The following ITSN2 variants were observed in gnomAD, a reference collection of about 807,000 sequenced individuals.
The protein encoded by ITSN2 is intersectin-2.
In ITSN2, 156 loss-of-function variants were observed where a neutral mutation model predicts 243.7. That is an observed-to-expected ratio of 0.64 (90% confidence interval 0.56 to 0.73). The LOEUF (loss-of-function observed/expected upper bound fraction) is 0.73. Ranked by LOEUF, ITSN2 falls within the 30% of genes least tolerant of loss-of-function variation. The pLI is 0.00. For missense variants in ITSN2, 1,801 were observed against 1,996.1 expected (o/e 0.90, Z 1.86); for synonymous variants, 703 against 699.9 (o/e 1.00, Z -0.07).
chr2:24,222,970 C>G (rs766959378), intron 29 of ITSN2, among the ~76,000 whole-genome samples: 2 of 152,128 alleles, frequency 1.3e-5, no homozygotes, highest in African/African-American at 2.4e-5. Flanking sequence ...GCCCCATGCC[C>G]GGTGCAATAA....
In ITSN2 at chr2:24,205,247, C is replaced by T; in HGVS notation, c.4729G>A (p.Glu1577Lys). The T allele has an allele frequency of 3.7e-6, 6 of 1,614,042 alleles. No individual in the cohort carries two copies. The highest frequency in any genetic ancestry group is 5.1e-6 in the Non-Finnish European group (6 of 1,179,934). ...TTGCAGGCTTTTAATTCTGTAGCTT[C>T]AATGACATGCACCATCAGGCGCCCA... ...GIGRLMVHVI[E>K]ATELKACKPN... The change falls in exon 38 of 40, where the codon GAA becomes AAA. Residue 1577 changes from glutamate to lysine, a missense_variant. Around this residue, in one of 5 missense-constraint regions of ITSN2, gnomAD observed 928 missense variants for 1,065.4 expected, o/e 0.87. Coordinates refer to ENST00000355123, the MANE Select transcript of ITSN2 (RefSeq NM_006277.3).
intron 11 of ITSN2, among the ~76,000 whole-genome samples, chr2:24,300,653 A>G (rs1357732473): frequency 2.6e-5 from 4 of 152,120 alleles, no homozygotes; most frequent in Non-Finnish European, 5.9e-5. Flanking sequence ...CAGGAGGCGG[A>G]AGTTGCAGTG....
intron 38 of ITSN2, 63 bp downstream of exon 38, chr2:24,205,151 A>T: frequency 7.2e-7 from 1 of 1,394,458 alleles, no homozygotes; most frequent in Non-Finnish European, 1.0e-6. Flanking sequence ...TGTCTCAAAA[A>T]GTCATCAGCA....
At position 24,312,823 on chromosome 2, in the gene ITSN2, T is replaced by G. The variant is rs574552033; in HGVS notation, c.189-448A>C. Among the ~76,000 whole-genome samples the G allele has an allele frequency of 4.6e-5, 7 of 152,214 alleles. No homozygotes were observed. In the South Asian group the frequency reaches 1.5e-3, roughly 32 times the overall value. On this transcript the variant is annotated intron_variant, in intron 4 of 39. Transcript: ENST00000355123. ...TTAAAAAAACAGATATTATAGAGAA[T>G]AGTTTCTTTAAAGAAGGAGCAGGGG...
At chr2:24,216,994 G>A (rs2151129190) in intron 31 of ITSN2, among the ~76,000 whole-genome samples, 1 of 152,052 alleles carries the variant, frequency 6.6e-6, no homozygotes, top group South Asian at 2.1e-4. Context: ...TGAGGCAGGA[G>A]AATGGCGTGA....
intron 30 of ITSN2, 86 bp from the exon 31 acceptor site, chr2:24,218,099 A>T: frequency 1.2e-6 from 1 of 807,898 alleles, no homozygotes; most frequent in East Asian, 2.5e-5. Context: ...GTCTTCATAA[A>T]CTGAAACTAA....
intron 2 of ITSN2, among the ~76,000 whole-genome samples, chr2:24,316,245 T>C (rs973830884): frequency 3.3e-5 from 5 of 152,164 alleles, no homozygotes; most frequent in Non-Finnish European, 5.9e-5. Flanking sequence ...CTGGAAGTTA[T>C]AGAGAGCCAT....
At chr2:24,219,469 G>A (rs1024552998) in intron 30 of ITSN2, among the ~76,000 whole-genome samples, 5 of 152,228 alleles carry the variant, frequency 3.3e-5, no homozygotes, top group Admixed American at 3.3e-4. Context: ...GCTATGGAGG[G>A]ACAGGGAAGA....
chr2:24,220,578 G>C (rs1458796634), intron 30 of ITSN2: 1 of 1,084,518 alleles, frequency 9.2e-7, no homozygotes, highest in Non-Finnish European at 1.1e-6. Flanking sequence ...ACAGATATTA[G>C]GCAAATATCC....
At chr2:24,250,275 T>C (rs554194073) in intron 25 of ITSN2, among the ~76,000 whole-genome samples, 1 of 152,340 alleles carries the variant, frequency 6.6e-6, no homozygotes, top group Non-Finnish European at 1.5e-5. Context: ...AAAAACTATT[T>C]AGACTTGGGA....
Position 24,308,744 on chromosome 2 carries a change from C to G in ITSN2, c.666G>C (p.Ser222=), listed in dbSNP as rs778654550. 5 of 1,422,934 alleles carry G rather than the reference C, an allele frequency of 3.5e-6. No individual in the cohort carries two copies. The highest frequency in any genetic ancestry group is 2.4e-5 in the Admixed American group (1 of 41,276). The allele number at this position is 1,422,934 out of a possible 1,614,324, so 88.1% of individuals were successfully genotyped here. A position where few individuals can be genotyped will look rare whatever the true frequency, so the allele number is the denominator to read the frequency against. The change falls in exon 8 of 40, where the codon TCG becomes TCC. Residue 222 remains serine (S), a synonymous_variant. Transcript: ENST00000355123. ...IDLGSSSSTS[S]TASLSGNSPK... Reference sequence around the variant, plus strand: ...GTGAGTTCCCTGAGAGTGAAGCAGTCGAGGAAGTTGAGCTATAAAAAAATT... The same window carrying G: ...GTGAGTTCCCTGAGAGTGAAGCAGTGGAGGAAGTTGAGCTATAAAAAAATT...
chr2:24,312,038 C>T (rs1411045363), intron 5 of ITSN2, among the ~76,000 whole-genome samples, 174 bp downstream of exon 5: 1 of 152,192 alleles, frequency 6.6e-6, no homozygotes, highest in Non-Finnish European at 1.5e-5. Context: ...AACCAGAACA[C>T]ATGGATCCCC....
At chr2:24,273,172 A>G (rs1392077799) in intron 18 of ITSN2, among the ~76,000 whole-genome samples, 2 of 152,170 alleles carry the variant, frequency 1.3e-5, no homozygotes, top group Non-Finnish European at 2.9e-5. Context: ...TTAGTCATCA[A>G]TGCTTTCTCC....
Position 24,209,961 on chromosome 2 carries a change from T to A in ITSN2, c.4330A>T (p.Thr1444Ser), listed in dbSNP as rs776820217. 2.5e-5 allele frequency: 40 copies of A among 1,614,064 alleles called. No individual in the cohort carries two copies. The highest frequency in any genetic ancestry group is 3.4e-5 in the Non-Finnish European group (40 of 1,180,028). ...KLLHSGKLYK[T>S]KSNKELHGFL... ...CCGTGCAGTTCCTTGTTGCTCTTGGTCTTGTATAATTTCCCACTGTGTAAG... is the reference window on the plus strand; with the variant it reads ...CCGTGCAGTTCCTTGTTGCTCTTGGACTTGTATAATTTCCCACTGTGTAAG... The change falls in exon 35 of 40, where the codon ACC becomes TCC. Residue 1444 changes from threonine (T) to serine (S), a missense_variant. By Grantham distance (58) the Thr-to-Ser change is moderately conservative. Transcript: ENST00000355123.
At chr2:24,332,357 GA>G (rs372654408) in intron 1 of ITSN2, among the ~76,000 whole-genome samples, 46 of 142,874 alleles carry the variant, frequency 3.2e-4, no homozygotes, top group South Asian at 8.8e-4. Flanking sequence ...TTTGGCTTGG[GA>G]AAAAAAAAAA....
chr2:24,361,272 T>C (rs1688994450), upstream of ITSN2, among the ~76,000 whole-genome samples: 1 of 152,042 alleles, frequency 6.6e-6, no homozygotes, highest in Admixed American at 6.5e-5. Context: ...TACTCAGAAT[T>C]TGTCTCTTTT....
intron 19 of ITSN2, among the ~76,000 whole-genome samples, chr2:24,271,454 GCT>G (rs1314639946): frequency 2.6e-5 from 4 of 152,062 alleles, no homozygotes; most frequent in Non-Finnish European, 5.9e-5. Flanking sequence ...AAAATAAATA[GCT>G]TAGTTATAGT....
intron 13 of ITSN2, among the ~76,000 whole-genome samples, chr2:24,297,935 GA>G (rs1681190957): frequency 1.3e-5 from 2 of 151,766 alleles, no homozygotes; most frequent in East Asian, 3.9e-4. Flanking sequence ...TGTGACTAAT[GA>G]CATTAAGACA....
At position 24,353,979 on chromosome 2, in the gene ITSN2, T is replaced by A. The variant is rs1206378100; in HGVS notation, c.-34+6325A>T. Among the ~76,000 whole-genome samples, 3 of 152,234 alleles carry A rather than the reference T, an allele frequency of 2.0e-5. No individual in the cohort carries two copies. In the East Asian group the frequency reaches 5.8e-4, roughly 29 times the overall value. On this transcript the variant is annotated intron_variant, in intron 1 of 39. Transcript: ENST00000355123. ...AAGCTATTTTGTGATCAAGTTCAGT[T>A]AGACCACATAATAACATGGAAACTG...
Sources: gnomAD v4.1 joint callset for allele counts (sites outside exome capture counted in the v4.1 genomes callset) on GRCh38, gnomAD v4.1.1 for gene constraint, gnomAD v4.1.1 regional missense constraint, MANE v1.5 for transcripts, NCBI Gene and HGNC (gene_info 2026-07-23, HGNC 2026-07-21) for gene names.